The following BRINP3 variants were observed in gnomAD, a reference collection of about 807,000 sequenced individuals.
BRINP3 encodes the protein BMP/retinoic acid inducible neural specific 3.
A neutral mutation model predicts 71.0 loss-of-function variants in BRINP3; 19 were observed. The observed-to-expected ratio is 0.27, with a 90% CI of 0.19 to 0.39. BRINP3 has a LOEUF of 0.39. Among genes scored for constraint, BRINP3 ranks in the 10% least tolerant of loss-of-function variants. The pLI is 1.00. For missense variants in BRINP3, 959 were observed against 940.8 expected (o/e 1.02, Z -0.25); for synonymous variants, 380 against 337.7 (o/e 1.13, Z -1.37).
At chr1:190,405,494 C>CAAAAAAAAAAAAAAA (rs1672222997) in intron 2 of BRINP3, among the ~76,000 whole-genome samples, 2 of 17,234 alleles carry the variant, frequency 1.2e-4, no homozygotes, top group African/African-American at 2.5e-4. Context: ...AAAAAAAAAC[C>CAAAAAAAAAAAAAAA]AGAATCAGAA....
intron 2 of BRINP3, among the ~76,000 whole-genome samples, chr1:190,435,068 A>T (rs1384481941): frequency 6.6e-6 from 1 of 152,154 alleles, no homozygotes; most frequent in Non-Finnish European, 1.5e-5. Flanking sequence ...TTCTTTTTGG[A>T]ATGGTTTTAT....
chr1:190,115,828 G>C (rs539028687), intron 7 of BRINP3, among the ~76,000 whole-genome samples: 2 of 152,088 alleles, frequency 1.3e-5, no homozygotes, highest in African/African-American at 4.8e-5. Context: ...GGATGAAATT[G>C]ATTTTCTGAA....
At chr1:190,105,070 G>A (rs899183310) in intron 7 of BRINP3, among the ~76,000 whole-genome samples, 3 of 152,024 alleles carry the variant, frequency 2.0e-5, no homozygotes, top group African/African-American at 7.2e-5. Flanking sequence ...AGCATAAGCT[G>A]ATTATTAGCT....
chr1:190,341,097 G>T (rs1478149823), intron 2 of BRINP3, among the ~76,000 whole-genome samples: 11 of 151,776 alleles, frequency 7.2e-5, no homozygotes, highest in African/African-American at 2.2e-4. Flanking sequence ...AGTTTAAGAT[G>T]AAATCCGTGG....
intron 2 of BRINP3, among the ~76,000 whole-genome samples, chr1:190,365,087 C>T (rs1360987207): frequency 6.6e-6 from 1 of 152,084 alleles, no homozygotes; most frequent in Non-Finnish European, 1.5e-5. Flanking sequence ...AATATTAAGA[C>T]ATTAAAAGAT....
chr1:190,144,241 C>T (rs1655697453), intron 7 of BRINP3, among the ~76,000 whole-genome samples: 2 of 152,112 alleles, frequency 1.3e-5, no homozygotes, highest in Non-Finnish European at 2.9e-5. Flanking sequence ...TAGTATCTTC[C>T]CCCAGTGCTC....
intron 4 of BRINP3, among the ~76,000 whole-genome samples, chr1:190,257,747 G>A (rs1660796942): frequency 6.6e-6 from 1 of 152,144 alleles, no homozygotes; most frequent in Non-Finnish European, 1.5e-5. Context: ...TCAGCTGCAG[G>A]TCTGTTGGGG....
intron 3 of BRINP3, among the ~76,000 whole-genome samples, chr1:190,273,215 C>T (rs1248169823): frequency 6.6e-6 from 1 of 151,454 alleles, no homozygotes; most frequent in Non-Finnish European, 1.5e-5. Context: ...GTAAATGACA[C>T]ACAATGTTCA....
intron 2 of BRINP3, among the ~76,000 whole-genome samples, chr1:190,388,775 T>C (rs1387984890): frequency 1.3e-5 from 2 of 151,878 alleles, no homozygotes; most frequent in Non-Finnish European, 2.9e-5. Context: ...GAGTGGTTAA[T>C]TGTCAGAATG....
chr1:190,393,033 A>G (rs764579348), intron 2 of BRINP3, among the ~76,000 whole-genome samples: 3 of 151,628 alleles, frequency 2.0e-5, no homozygotes, highest in Non-Finnish European at 3.0e-5. Context: ...ACCAAAATAT[A>G]CCCATGAATA....
Position 190,454,764 on chromosome 1 carries a change from G to C in BRINP3, c.127C>G (p.Pro43Ala). 1.2e-6 allele frequency: 2 copies of C among 1,614,116 alleles called. No individual in the cohort carries two copies. Among genetic ancestry groups the C allele is most frequent in the South Asian group, 1.1e-5 (1 of 91,082 alleles). ...TTATCAGAGAGGAGCCAGTCGAAGG[G>C]GCTTGTGGCATGCTGATCCGAAACA... ...AAVSDQHATS[P>A]FDWLLSDKGP... Residue 43 changes from proline to alanine, a missense_variant, in exon 2 of 8, where the codon CCC becomes GCC. Physicochemically the swap from Pro to Ala is conservative, Grantham distance 27. Transcript: ENST00000367462.
At chr1:190,363,132 T>C (rs955677070) in intron 2 of BRINP3, among the ~76,000 whole-genome samples, 8 of 152,098 alleles carry the variant, frequency 5.3e-5, no homozygotes, top group Non-Finnish European at 1.2e-4. Context: ...AGAGGGCCTA[T>C]TGGGATAGTC....
intron 5 of BRINP3, among the ~76,000 whole-genome samples, chr1:190,228,189 T>C (rs986071640): frequency 6.6e-6 from 1 of 151,894 alleles, no homozygotes. Flanking sequence ...ACCAAATTAC[T>C]GCACATTTCA....
intron 6 of BRINP3, among the ~76,000 whole-genome samples, chr1:190,164,713 C>T (rs1207447363): frequency 6.6e-6 from 1 of 151,912 alleles, no homozygotes; most frequent in East Asian, 1.9e-4. Context: ...GCCTCGTCCA[C>T]TCCAGCAGGT....
intron 1 of BRINP3, among the ~76,000 whole-genome samples, chr1:190,470,101 G>A (rs973849103): frequency 1.5e-4 from 23 of 150,778 alleles, no homozygotes; most frequent in African/African-American, 5.3e-4. Flanking sequence ...ACTGAATTCT[G>A]GTCTTCCCAA....
intron 2 of BRINP3, among the ~76,000 whole-genome samples, chr1:190,353,597 C>A (rs1442569): frequency 0.16 from 24,227 of 151,858 alleles, 2,078 homozygotes; most frequent in Middle Eastern, 0.21. Context: ...TCTTGATTAT[C>A]CTTGTTCAAT....
At position 190,190,314 on chromosome 1, in the gene BRINP3, C is replaced by T. The variant is rs569987511; in HGVS notation, c.962-29424G>A. On this transcript the variant is annotated intron_variant, in intron 6 of 7. Coordinates refer to ENST00000367462, the MANE Select transcript of BRINP3 (RefSeq NM_199051.3). ...TCTTTTCCCCAAGCAGACAGCCTCC[C>T]GTTTCACACAGGACTGCTTGGTTTT... Among the ~76,000 whole-genome samples, 97 of 152,166 alleles carry T rather than the reference C, an allele frequency of 6.4e-4. 1 individual carries two copies. Among genetic ancestry groups the T allele is most frequent in the African/African-American group, 2.3e-3 (95 of 41,508 alleles).
At chr1:190,288,610 G>T (rs2102958647) in intron 2 of BRINP3, among the ~76,000 whole-genome samples, 1 of 151,974 alleles carries the variant, frequency 6.6e-6, no homozygotes, top group African/African-American at 2.4e-5. Flanking sequence ...TGATACAGGA[G>T]ACATTTTGAA....
chr1:190,256,587 G>A (rs1007155161), intron 4 of BRINP3, among the ~76,000 whole-genome samples: 1 of 152,114 alleles, frequency 6.6e-6, no homozygotes, highest in Admixed American at 6.6e-5. Context: ...AGCATCGATG[G>A]TCTTTACAAT....
Sources: gnomAD v4.1 joint callset for allele counts (sites outside exome capture counted in the v4.1 genomes callset) on GRCh38, gnomAD v4.1.1 for gene constraint, MANE v1.5 for transcripts, NCBI Gene and HGNC (gene_info 2026-07-23, HGNC 2026-07-21) for gene names.